Variants in CACNA2D3 observed in about 807,000 individuals in gnomAD.
CACNA2D3 encodes calcium voltage-gated channel auxiliary subunit alpha2delta 3.
A neutral mutation model predicts 160.6 loss-of-function variants in CACNA2D3; 60 were observed. The ratio of observed to expected loss-of-function variants is 0.37; its 90% confidence interval spans 0.30 to 0.46. CACNA2D3 has a LOEUF of 0.46. Ranked by LOEUF, CACNA2D3 falls within the 20% of genes least tolerant of loss-of-function variation. CACNA2D3 has a pLI of 1.00. For synonymous variants in CACNA2D3, 558 were observed against 492.9 expected, an observed-to-expected ratio of 1.13 and a Z score of -1.75; for missense variants, 1,205 against 1,365.0, an observed-to-expected ratio of 0.88 and a Z score of 1.85.
At chr3:54,398,446 C>T (rs1368566800) in intron 4 of CACNA2D3, among the ~76,000 whole-genome samples, 1 of 67,610 alleles carries the variant, frequency 1.5e-5, no homozygotes. Context: ...GATTTTGCAG[C>T]GGCTGGTACC....
chr3:54,763,730 TATA>T (rs368703584), intron 12 of CACNA2D3, among the ~76,000 whole-genome samples: 13 of 92,556 alleles, frequency 1.4e-4, no homozygotes, highest in South Asian at 3.7e-4. Context: ...TATATACATA[TATA>T]TGTGTATATA....
intron 2 of CACNA2D3, among the ~76,000 whole-genome samples, chr3:54,208,546 G>A (rs1451690614): frequency 6.6e-6 from 1 of 152,200 alleles, no homozygotes; most frequent in African/African-American, 2.4e-5. Flanking sequence ...TGGAGAGCCT[G>A]CAGTTCTGAC....
At chr3:54,734,203 A>G (rs530802357) in intron 11 of CACNA2D3, among the ~76,000 whole-genome samples, 3 of 152,306 alleles carry the variant, frequency 2.0e-5, no homozygotes, top group African/African-American at 7.2e-5. Context: ...TGACTTTGCC[A>G]TAGGCTGATA....
chr3:54,476,303 A>G (rs1297650563), intron 4 of CACNA2D3, among the ~76,000 whole-genome samples: 1 of 150,618 alleles, frequency 6.6e-6, no homozygotes, highest in East Asian at 1.9e-4. Flanking sequence ...TTATCCATTC[A>G]CCTGCCAATG....
intron 11 of CACNA2D3, among the ~76,000 whole-genome samples, chr3:54,724,461 A>G (rs1701238945): frequency 6.6e-6 from 1 of 152,234 alleles, no homozygotes; most frequent in African/African-American, 2.4e-5. Context: ...TAAACAGAAT[A>G]TACATTCTTT....
intron 4 of CACNA2D3, among the ~76,000 whole-genome samples, chr3:54,478,702 G>A (rs944054151): frequency 1.1e-4 from 1 of 9,040 alleles, no homozygotes; most frequent in African/African-American, 1.9e-4. Context: ...TGAGCAGTGT[G>A]ATGAATCTCG....
At chr3:54,350,992 T>TTTTTTTTTTTTTTTTTTTTTTTTTTTTTG (rs1559457861) in intron 3 of CACNA2D3, among the ~76,000 whole-genome samples, 1 of 110,978 alleles carries the variant, frequency 9.0e-6, no homozygotes, top group African/African-American at 3.2e-5. Context: ...GTTTGTTTTT[T>TTTTTTTTTTTTTTTTTTTTTTTTTTTTTG]TTTTTTTTTT....
intron 13 of CACNA2D3, among the ~76,000 whole-genome samples, chr3:54,786,610 G>A (rs1167868681): frequency 6.6e-6 from 1 of 151,946 alleles, no homozygotes; most frequent in Non-Finnish European, 1.5e-5. Context: ...ATAGATATTT[G>A]GTAGGTAAAT....
In CACNA2D3 at chr3:54,149,918, TCTCTCTCTCTCTCCCTCCCTCC is replaced by T. The variant is rs1201319147; in HGVS notation, c.204+26328_204+26349del. On this transcript the variant is annotated intron_variant, in intron 2 of 37. Coordinates refer to ENST00000474759, the MANE Select transcript of CACNA2D3 (RefSeq NM_018398.3). ...CTCTCTCTCTCTCTCTCTCTCTCTC[TCTCTCTCTCTCTCCCTCCCTCC>T]CTCCCTCCCTCCCTCCCTCTTCCTC... 5.7e-5 allele frequency among the ~76,000 whole-genome samples: 5 copies of T among 88,038 alleles called. 1 individual carries two copies. Among genetic ancestry groups the T allele is most frequent in the East Asian group, 5.8e-4 (2 of 3,442 alleles). 57.8% of individuals were successfully genotyped at this position (88,038 alleles called of 152,430 possible). A position where few individuals can be genotyped will look rare whatever the true frequency, so the allele number is the denominator to read the frequency against.
chr3:54,935,517 A>C (rs77334540), intron 27 of CACNA2D3, among the ~76,000 whole-genome samples: 3,430 of 152,292 alleles, frequency 0.023, 127 homozygotes, highest in African/African-American at 0.075. Context: ...CCAAAGCCTC[A>C]CAGTGACACG....
chr3:54,822,840 C>CTTTCTTTCTTTCTTTCT lies in CACNA2D3; in HGVS notation c.1398+5973_1398+5989dup, dbSNP rs1559595891. Among the ~76,000 whole-genome samples the CTTTCTTTCTTTCTTTCT allele has an allele frequency of 2.3e-4, 24 of 103,772 alleles. 1 individual carries two copies. Among genetic ancestry groups the CTTTCTTTCTTTCTTTCT allele is most frequent in the African/African-American group, 9.1e-4 (22 of 24,086 alleles). 68.1% of individuals were successfully genotyped at this position (103,772 alleles called of 152,430 possible). A position where few individuals can be genotyped will look rare whatever the true frequency, so the allele number is the denominator to read the frequency against. On this transcript the variant is annotated intron_variant, in intron 14 of 37. Transcript: ENST00000474759. ...CTTTCTTTCTTTCTTTCTTTTCTTT[C>CTTTCTTTCTTTCTTTCT]TTTCTTTCTTTCTTTCTTTCTTTTT...
intron 25 of CACNA2D3, among the ~76,000 whole-genome samples, chr3:54,892,040 G>A (rs1462369643): frequency 6.6e-6 from 1 of 152,162 alleles, no homozygotes; most frequent in Non-Finnish European, 1.5e-5. Context: ...CTAGTACCCA[G>A]ATGCTAAGCC....
intron 11 of CACNA2D3, among the ~76,000 whole-genome samples, chr3:54,649,875 C>CT (rs1699726472): frequency 6.6e-6 from 1 of 152,204 alleles, no homozygotes; most frequent in South Asian, 2.1e-4. Context: ...ATTAACAACC[C>CT]TTATTTTGCC....
intron 2 of CACNA2D3, among the ~76,000 whole-genome samples, chr3:54,204,809 A>G (rs1409392305): frequency 1.3e-5 from 2 of 150,632 alleles, no homozygotes; most frequent in African/African-American, 4.8e-5. Flanking sequence ...AAAAAAAAAA[A>G]AAAAAAAAAA....
rs79103059 is a variant in CACNA2D3, at chr3:55,005,737, T to G, written c.2766+899T>G. On this transcript the variant is annotated intron_variant, in intron 32 of 37. Transcript: ENST00000474759. ...TATAATTTACAATGCGTAGACAATGTAAATTTGGCCAGCAATACCTAAAAA... is the reference window on the plus strand; with the variant it reads ...TATAATTTACAATGCGTAGACAATGGAAATTTGGCCAGCAATACCTAAAAA... Among the ~76,000 whole-genome samples, 1,167 of 152,296 alleles carry G rather than the reference T, an allele frequency of 7.7e-3. 14 individuals are homozygous for G. The highest frequency in any genetic ancestry group is 0.027 in the African/African-American group (1,121 of 41,560).
chr3:54,254,702 C>T (rs925267634), intron 2 of CACNA2D3, among the ~76,000 whole-genome samples: 18 of 147,038 alleles, frequency 1.2e-4, no homozygotes, highest in African/African-American at 4.4e-4. Flanking sequence ...ATGAGTATTA[C>T]TGTTGTTACC....
At chr3:55,067,541 T>C (rs1036377671) in intron 35 of CACNA2D3, among the ~76,000 whole-genome samples, 3 of 152,222 alleles carry the variant, frequency 2.0e-5, no homozygotes, top group Admixed American at 6.5e-5. Flanking sequence ...GTTCACTTTA[T>C]ACTTGTTTTA....
chr3:54,938,608 C>T (rs780006611), intron 27 of CACNA2D3, among the ~76,000 whole-genome samples: 4 of 151,714 alleles, frequency 2.6e-5, no homozygotes, highest in Admixed American at 1.3e-4. Flanking sequence ...ATTGACCAAG[C>T]CCCCTTAGTT....
intron 3 of CACNA2D3, among the ~76,000 whole-genome samples, chr3:54,330,180 T>G (rs1704214909): frequency 6.6e-6 from 1 of 150,896 alleles, no homozygotes; most frequent in Non-Finnish European, 1.5e-5. Context: ...TAAATGTGGA[T>G]TTTTTGTTCT....
Sources: gnomAD v4.1 joint callset for allele counts (sites outside exome capture counted in the v4.1 genomes callset) on GRCh38, gnomAD v4.1.1 for gene constraint, MANE v1.5 for transcripts, NCBI Gene and HGNC (gene_info 2026-07-23, HGNC 2026-07-21) for gene names.